PCSK2: variants seen among roughly 807,000 people sequenced by gnomAD.
The protein encoded by PCSK2 is proprotein convertase subtilisin/kexin type 2, also known as neuroendocrine convertase 2.
A neutral mutation model predicts 69.7 loss-of-function variants in PCSK2; 14 were observed. The observed-to-expected ratio is 0.20, with a 90% confidence interval of 0.13 to 0.31. The LOEUF (loss-of-function observed/expected upper bound fraction) is 0.31, where lower values mean the gene tolerates loss of function less well. PCSK2 is among the 10% of genes least tolerant of loss of function. PCSK2 has a pLI of 1.00. For synonymous variants in PCSK2, 307 were observed against 320.7 expected (o/e 0.96, Z 0.46); for missense variants, 544 against 842.5 (o/e 0.65, Z 4.39).
At chr20:17,297,174 G>C (rs769716639) in intron 2 of PCSK2, among the ~76,000 whole-genome samples, 9 of 152,212 alleles carry the variant, frequency 5.9e-5, no homozygotes, top group Non-Finnish European at 8.8e-5. Context: ...GTTTACATTA[G>C]AGAAATAGCA....
chr20:17,397,158 A>G, intron 5 of PCSK2, among the ~76,000 whole-genome samples: 1 of 152,202 alleles, frequency 6.6e-6, no homozygotes, highest in Non-Finnish European at 1.5e-5. Flanking sequence ...ATTTGTTGGA[A>G]TCCAGAAAAC....
intron 2 of PCSK2, among the ~76,000 whole-genome samples, chr20:17,351,928 A>G (rs995475906): frequency 4.6e-5 from 7 of 152,198 alleles, no homozygotes; most frequent in African/African-American, 1.4e-4. Context: ...CATTTATGAT[A>G]TGATTCTATA....
chr20:17,288,925 A>C (rs966042408), intron 2 of PCSK2, among the ~76,000 whole-genome samples: 1 of 152,208 alleles, frequency 6.6e-6, no homozygotes, highest in Non-Finnish European at 1.5e-5. Context: ...ATTTCAAAAG[A>C]CTGCGTGAAG....
intron 2 of PCSK2, among the ~76,000 whole-genome samples, chr20:17,320,737 C>G (rs1364581118): frequency 6.6e-6 from 1 of 152,168 alleles, no homozygotes; most frequent in Non-Finnish European, 1.5e-5. Flanking sequence ...ATCACTCTTC[C>G]TTAGGCACAC....
chr20:17,463,072 T>C (rs1330043499), intron 10 of PCSK2, among the ~76,000 whole-genome samples: 2 of 152,254 alleles, frequency 1.3e-5, no homozygotes, highest in Non-Finnish European at 2.9e-5. Context: ...GAGTGAACTA[T>C]GCTGTGGTTT....
chr20:17,434,233 C>G (rs1180134976), intron 7 of PCSK2, among the ~76,000 whole-genome samples: 1 of 151,340 alleles, frequency 6.6e-6, no homozygotes, highest in African/African-American at 2.4e-5. Context: ...CTCTCTCCCT[C>G]TCTCTCTCCT....
intron 2 of PCSK2, among the ~76,000 whole-genome samples, chr20:17,320,709 G>A (rs560501819): frequency 1.2e-4 from 19 of 152,306 alleles, no homozygotes; most frequent in African/African-American, 3.8e-4. Context: ...TGCTCGGGGA[G>A]GATTAGTTCT....
intron 5 of PCSK2, among the ~76,000 whole-genome samples, chr20:17,405,313 G>A (rs2031728670): frequency 6.6e-6 from 1 of 152,200 alleles, no homozygotes; most frequent in Admixed American, 6.5e-5. Context: ...GGGCAGCCCA[G>A]CCAGGGAAGC....
At chr20:17,397,229 G>A (rs2031530702) in intron 5 of PCSK2, among the ~76,000 whole-genome samples, 1 of 152,186 alleles carries the variant, frequency 6.6e-6, no homozygotes, top group Non-Finnish European at 1.5e-5. Context: ...TGAAATATAA[G>A]CACATTTTAA....
intron 2 of PCSK2, among the ~76,000 whole-genome samples, chr20:17,343,688 C>G (rs1990571489): frequency 6.6e-6 from 1 of 152,070 alleles, no homozygotes; most frequent in African/African-American, 2.4e-5. Context: ...CTGAATGGCC[C>G]CAATGTAATC....
rs1195647813 is a variant in PCSK2, at chr20:17,482,106, C to T, written c.*36C>T. The T allele has an allele frequency of 6.6e-7, 1 of 1,522,322 alleles. No individual in the cohort carries two copies. The highest frequency in any genetic ancestry group is 8.8e-7 in the Non-Finnish European group (1 of 1,138,476). 94.3% of individuals were successfully genotyped at this position (1,522,322 alleles called of 1,614,324 possible). A position where few individuals can be genotyped will look rare whatever the true frequency, so the allele number is the denominator to read the frequency against. ...CCGCCTTTCCCACCGCCCTCCCTCC[C>T]CAGCTCCGCCTCTGTCCTCGCTCCA... On this transcript the variant is annotated 3_prime_UTR_variant, in exon 12 of 12. Transcript: ENST00000262545.
At chr20:17,436,260 C>T (rs1423365269) in intron 7 of PCSK2, among the ~76,000 whole-genome samples, 2 of 152,112 alleles carry the variant, frequency 1.3e-5, no homozygotes, top group African/African-American at 4.8e-5. Context: ...GTCCCCTGCC[C>T]TCTGCCCTCT....
At chr20:17,449,608 G>A (rs908446180) in intron 8 of PCSK2, among the ~76,000 whole-genome samples, 15 of 137,766 alleles carry the variant, frequency 1.1e-4, no homozygotes, top group South Asian at 2.6e-4. Flanking sequence ...TCAGCTCACC[G>A]CAACCTCCGC....
intron 2 of PCSK2, among the ~76,000 whole-genome samples, chr20:17,352,148 G>A (rs868194757): frequency 1.3e-5 from 2 of 152,102 alleles, no homozygotes; most frequent in Non-Finnish European, 2.9e-5. Flanking sequence ...AACGAAAGAG[G>A]TAAAAGATCT....
intron 6 of PCSK2, among the ~76,000 whole-genome samples, chr20:17,411,821 A>T (rs1417799714): frequency 6.6e-6 from 1 of 152,242 alleles, no homozygotes; most frequent in East Asian, 1.9e-4. Context: ...CTTCAAGAGG[A>T]AAGATCAGGC....
At chr20:17,380,992 C>T (rs992006968) in intron 5 of PCSK2, among the ~76,000 whole-genome samples, 1 of 152,158 alleles carries the variant, frequency 6.6e-6, no homozygotes, top group African/African-American at 2.4e-5. Context: ...AATCACTTGC[C>T]TACAAGCTTT....
intron 11 of PCSK2, among the ~76,000 whole-genome samples, chr20:17,469,822 A>AC (rs3216668): frequency 0.5 from 76,533 of 151,682 alleles, 19,494 homozygotes; most frequent in East Asian, 0.7. Flanking sequence ...AGTCACTTTG[A>AC]CCCCTCACGG....
chr20:17,335,874 GT>G (rs1490044273), intron 2 of PCSK2, among the ~76,000 whole-genome samples: 1 of 151,586 alleles, frequency 6.6e-6, no homozygotes, highest in Non-Finnish European at 1.5e-5. Flanking sequence ...GTGTGTGTGT[GT>G]GTGTGTGTGT....
chr20:17,248,175 GGT>G (rs10640964), intron 1 of PCSK2, among the ~76,000 whole-genome samples: 6,393 of 144,376 alleles, frequency 0.044, 162 homozygotes, highest in South Asian at 0.049. Context: ...TATAAAAAAG[GGT>G]GTGTGTGTGT....
Sources: gnomAD v4.1 joint callset for allele counts (sites outside exome capture counted in the v4.1 genomes callset) on GRCh38, gnomAD v4.1.1 for gene constraint, MANE v1.5 for transcripts, NCBI Gene and HGNC (gene_info 2026-07-23, HGNC 2026-07-21) for gene names.